PIP5K1B: variants seen among roughly 807,000 people sequenced by gnomAD.
The protein encoded by PIP5K1B is phosphatidylinositol 4-phosphate 5-kinase type-1 beta.
Under a neutral mutation model 67.0 loss-of-function variants are expected in PIP5K1B, and 42 were observed. The observed-to-expected ratio is 0.63, with a 90% CI of 0.49 to 0.81. PIP5K1B has a LOEUF of 0.81. Among genes scored for constraint, PIP5K1B ranks in the 30% least tolerant of loss-of-function variants. The probability of loss-of-function intolerance (pLI) is 0.00; values close to 1 mark genes in which losing one functional copy is unlikely to be tolerated. For synonymous variants in PIP5K1B, 214 were observed against 231.4 expected, an observed-to-expected ratio of 0.92 and a Z score of 0.68; for missense variants, 459 against 646.3, an observed-to-expected ratio of 0.71 and a Z score of 3.14.
intron 2 of PIP5K1B, among the ~76,000 whole-genome samples, chr9:68,801,125 C>G (rs1832579953): frequency 6.6e-6 from 1 of 152,178 alleles, no homozygotes; most frequent in Admixed American, 6.5e-5. Flanking sequence ...TGCCTTCCTT[C>G]TGATAAGGCA....
Position 68,767,835 on chromosome 9 carries a change from A to T in PIP5K1B, c.-86+25178A>T, listed in dbSNP as rs556394082. ...TTACATGACTGTTTAAGTTTGTCAAAACTAACTGAACTATATTCTTTAAAA... is the reference window on the plus strand; with the variant it reads ...TTACATGACTGTTTAAGTTTGTCAATACTAACTGAACTATATTCTTTAAAA... On this transcript the variant is annotated intron_variant, in intron 2 of 15. Transcript: ENST00000265382. 5.9e-5 allele frequency among the ~76,000 whole-genome samples: 9 copies of T among 152,260 alleles called. No homozygotes were observed. In the South Asian group the frequency reaches 1.2e-3, roughly 21 times the overall value.
At chr9:68,974,829 C>G (rs542525105) in intron 14 of PIP5K1B, among the ~76,000 whole-genome samples, 1 of 152,190 alleles carries the variant, frequency 6.6e-6, no homozygotes, top group Admixed American at 6.5e-5. Flanking sequence ...ATTATTTTTT[C>G]AGCAGCTTCT....
Position 68,951,158 on chromosome 9 carries a change from CAT to C in PIP5K1B, c.1502+10369_1502+10370del, listed in dbSNP as rs550384280. 9.8e-5 allele frequency among the ~76,000 whole-genome samples: 15 copies of C among 152,298 alleles called. No homozygotes were observed. The South Asian group carries it at 2.3e-3, about 23-fold the overall frequency. On this transcript the variant is annotated intron_variant, in intron 14 of 15. Coordinates refer to ENST00000265382, the MANE Select transcript of PIP5K1B (RefSeq NM_003558.4). ...TTCAAGGATAAAGTAATAAAGGTGACATGTGTAATGAAGTAATGGAGCTCATT... is the reference window on the plus strand; with the variant it reads ...TTCAAGGATAAAGTAATAAAGGTGACGTGTAATGAAGTAATGGAGCTCATT...
chr9:68,963,927 C>G (rs1421435552), intron 14 of PIP5K1B: 1 of 152,154 alleles, frequency 6.6e-6, no homozygotes, highest in Non-Finnish European at 1.5e-5. Context: ...GAGTTCTGAT[C>G]CACAGAGAAA....
intron 15 of PIP5K1B, 119 bp from the exon 16 acceptor site, chr9:69,008,328 C>T: frequency 1.2e-6 from 1 of 861,964 alleles, no homozygotes. Flanking sequence ...ACATAATGCA[C>T]CCCATTTTCC....
At chr9:68,830,137 A>C (rs1834221665) in intron 4 of PIP5K1B, among the ~76,000 whole-genome samples, 1 of 152,014 alleles carries the variant, frequency 6.6e-6, no homozygotes. Flanking sequence ...TCTCAAAAAA[A>C]AAAATAGTAA....
In PIP5K1B at chr9:68,906,603, G is replaced by T. The variant is rs185684962; in HGVS notation, c.772-10945G>T. Among the ~76,000 whole-genome samples, 268 of 152,274 alleles carry T rather than the reference G, an allele frequency of 1.8e-3. 1 individual carries two copies. Among genetic ancestry groups the T allele is most frequent in the Non-Finnish European group, 3.0e-3 (207 of 68,028 alleles). On this transcript the variant is annotated intron_variant, in intron 8 of 15. Transcript: ENST00000265382. ...AGATCAATTGTCCATAGCTACTCAGGCTACAGAGAAGTTAAAACTGAACGT... is the reference window on the plus strand; with the variant it reads ...AGATCAATTGTCCATAGCTACTCAGTCTACAGAGAAGTTAAAACTGAACGT...
At position 68,803,929 on chromosome 9, in the gene PIP5K1B, G is replaced by A. The variant is rs1044257129; in HGVS notation, c.-85-14532G>A. 2.4e-4 allele frequency among the ~76,000 whole-genome samples: 37 copies of A among 152,250 alleles called. 1 individual carries two copies. Among genetic ancestry groups the A allele is most frequent in the Non-Finnish European group, 2.6e-4 (18 of 68,020 alleles). On this transcript the variant is annotated intron_variant, in intron 2 of 15. Transcript: ENST00000265382. Reference sequence around the variant, plus strand: ...GCTGTGTGCAAGGTATTCAGTGTCCGTGCTTCAGAGAAGTTGAGGAAGGTC... The same window carrying A: ...GCTGTGTGCAAGGTATTCAGTGTCCATGCTTCAGAGAAGTTGAGGAAGGTC...
At chr9:68,991,977 T>C (rs186298683) in intron 15 of PIP5K1B, among the ~76,000 whole-genome samples, 1 of 150,212 alleles carries the variant, frequency 6.7e-6, no homozygotes, top group Non-Finnish European at 1.5e-5. Flanking sequence ...AAATTTTTTT[T>C]GGGGGGGGGC....
At chr9:68,889,189 C>A in intron 7 of PIP5K1B, 56 bp downstream of exon 7, 1 of 1,390,606 alleles carries the variant, frequency 7.2e-7, no homozygotes, top group South Asian at 1.3e-5. Flanking sequence ...CTTTCCTCAA[C>A]AGTTTTTTTC....
At chr9:68,994,411 TTATTA>T (rs1484970345) in intron 15 of PIP5K1B, among the ~76,000 whole-genome samples, 1 of 152,160 alleles carries the variant, frequency 6.6e-6, no homozygotes, top group Non-Finnish European at 1.5e-5. Flanking sequence ...TTTATGAATA[TTATTA>T]TATTTTCCAA....
rs909315757 is a variant in PIP5K1B at position 68,816,811 on chromosome 9, A to G, written c.-85-1650A>G. Among the ~76,000 whole-genome samples the G allele has an allele frequency of 2.6e-5, 4 of 152,186 alleles. No homozygotes were observed. In the South Asian group the frequency reaches 6.2e-4, roughly 24 times the overall value. ...ATGGACCCATAAAGCTATCAAGAGA[A>G]AATATGGGAGAATACATGTATAACA... On this transcript the variant is annotated intron_variant, in intron 2 of 15. Coordinates refer to ENST00000265382, the MANE Select transcript of PIP5K1B (RefSeq NM_003558.4).
chr9:68,912,348 CAG>C (rs575216038), intron 8 of PIP5K1B, among the ~76,000 whole-genome samples: 1 of 151,974 alleles, frequency 6.6e-6, no homozygotes, highest in South Asian at 2.1e-4. Flanking sequence ...GTAGAAAAAA[CAG>C]AGAGCTTTGG....
chr9:68,887,474 G>A (rs1334456945), intron 6 of PIP5K1B, among the ~76,000 whole-genome samples: 2 of 152,172 alleles, frequency 1.3e-5, no homozygotes, highest in African/African-American at 4.8e-5. Flanking sequence ...AGAAGGCTGG[G>A]GAGGAGGCTG....
intron 8 of PIP5K1B, among the ~76,000 whole-genome samples, chr9:68,907,578 C>G (rs2132468750): frequency 6.6e-6 from 1 of 152,038 alleles, no homozygotes; most frequent in Admixed American, 6.5e-5. Context: ...GATATTGTTT[C>G]TCAATACCGA....
At position 68,894,568 on chromosome 9, in the gene PIP5K1B, T is replaced by C. The variant is rs1824981980; in HGVS notation, c.701T>C (p.Met234Thr). 3.1e-6 allele frequency: 5 copies of C among 1,614,062 alleles called. No homozygotes were observed. The highest frequency in any genetic ancestry group is 3.4e-6 in the Non-Finnish European group (4 of 1,180,006). Residue 234 changes from methionine (M) to threonine (T), a missense_variant, in exon 8 of 16, where the codon ATG becomes ACG. Met to Thr is a moderately conservative substitution (Grantham distance 81). This residue lies in a region of PIP5K1B where 290 missense variants were observed against 474.4 expected (regional missense o/e 0.61). Transcript: ENST00000265382. ...TFKDLDFLQD[M>T]HEGLYFDTET... ...AAGGACTTAGATTTCCTGCAAGACA[T>C]GCACGAAGGGTTGTATTTTGATACG...
chr9:68,953,120 A>G (rs1254765751), intron 14 of PIP5K1B, among the ~76,000 whole-genome samples: 1 of 150,968 alleles, frequency 6.6e-6, no homozygotes, highest in Admixed American at 6.6e-5. Flanking sequence ...AATATCCTGG[A>G]TTTGTCTTCC....
chr9:68,941,952 C>T (rs897693366), intron 14 of PIP5K1B, among the ~76,000 whole-genome samples: 1 of 152,204 alleles, frequency 6.6e-6, no homozygotes, highest in East Asian at 1.9e-4. Flanking sequence ...AAAAGTAGAT[C>T]AAGTGGGTAG....
At chr9:68,887,427 T>C (rs1434263599) in intron 6 of PIP5K1B, among the ~76,000 whole-genome samples, 1 of 152,142 alleles carries the variant, frequency 6.6e-6, no homozygotes, top group Non-Finnish European at 1.5e-5. Flanking sequence ...TTAGTCTCTG[T>C]GGCTAGAGCT....
Sources: gnomAD v4.1 joint callset for allele counts (sites outside exome capture counted in the v4.1 genomes callset) on GRCh38, gnomAD v4.1.1 for gene constraint, gnomAD v4.1.1 regional missense constraint, MANE v1.5 for transcripts, NCBI Gene and HGNC (gene_info 2026-07-23, HGNC 2026-07-21) for gene names.